The following PPP1R7 variants were observed in gnomAD, a reference collection of about 807,000 sequenced individuals.
PPP1R7 encodes protein phosphatase 1 regulatory subunit 7.
PPP1R7 carries 18 observed loss-of-function variants against 45.2 expected under a neutral mutation model. The observed-to-expected ratio is 0.40, with a 90% CI of 0.28 to 0.59. The LOEUF is 0.59. PPP1R7 is among the 20% of genes least tolerant of loss of function. The pLI is 0.46. For synonymous variants in PPP1R7, 181 were observed against 183.4 expected (o/e 0.99, Z 0.11); for missense variants, 314 against 455.8 (o/e 0.69, Z 2.83).
chr2:241,177,394 C>T (rs1377974402), intron 9 of PPP1R7, among the ~76,000 whole-genome samples: 3 of 149,754 alleles, frequency 2.0e-5, no homozygotes, highest in South Asian at 2.1e-4. Flanking sequence ...TCTAGCCTGG[C>T]GACAAAGCTA....
upstream of PPP1R7, chr2:241,149,630 G>C (rs550646731): frequency 2.0e-6 from 3 of 1,538,350 alleles, no homozygotes; most frequent in African/African-American, 1.4e-5. Context: ...CGGCGCTTCG[G>C]AGGAGCCAAA....
At chr2:241,154,819 A>G (rs2067415135) in intron 2 of PPP1R7, among the ~76,000 whole-genome samples, 1 of 152,260 alleles carries the variant, frequency 6.6e-6, no homozygotes, top group African/African-American at 2.4e-5. Context: ...AAGGATCTAT[A>G]CATTTTGTGT....
chr2:241,174,886 A>G (rs1352615941), intron 9 of PPP1R7, among the ~76,000 whole-genome samples: 1 of 152,036 alleles, frequency 6.6e-6, no homozygotes, highest in Admixed American at 6.6e-5. Context: ...TGTGTTAGCC[A>G]GGACAGTCTC....
chr2:241,153,416 A>G (rs1220387446), intron 1 of PPP1R7, 60 bp from the exon 2 acceptor site: 5 of 1,600,974 alleles, frequency 3.1e-6, no homozygotes, highest in Non-Finnish European at 4.3e-6. Context: ...GGTGTTTATT[A>G]TATGTTCCTC....
chr2:241,149,666 G>C (rs1032779748), upstream of PPP1R7: 11 of 1,545,508 alleles, frequency 7.1e-6, no homozygotes, highest in Admixed American at 1.2e-4. Flanking sequence ...TCCGCCCCCG[G>C]GCCGGGCAGA....
chr2:241,159,473 C>CCTG, intron 5 of PPP1R7, 130 bp downstream of exon 5: 1 of 1,192,342 alleles, frequency 8.4e-7, no homozygotes, highest in Non-Finnish European at 1.1e-6. Flanking sequence ...GGGTCCTGCC[C>CCTG]TGCATCTGAA....
Position 241,169,807 on chromosome 2 carries a change from A to G in PPP1R7, c.846A>G (p.Ala282=). ...ACAAACTCACGATGTTGGACATTGC[A>G]TCAAATAGAATCAAAAAGATTGAAA... ...NNNKLTMLDI[A]SNRIKKIENI... The change falls in exon 9 of 10, where the codon GCA becomes GCG. Residue 282 remains alanine, a synonymous_variant. Transcript: ENST00000234038. 6.2e-7 allele frequency: 1 copy of G among 1,612,576 alleles called. No homozygotes were observed. The highest frequency in any genetic ancestry group is 8.5e-7 in the Non-Finnish European group (1 of 1,178,490).
intron 2 of PPP1R7, among the ~76,000 whole-genome samples, chr2:241,156,920 C>T (rs544419237): frequency 8.5e-5 from 13 of 152,052 alleles, no homozygotes; most frequent in African/African-American, 2.2e-4. Context: ...GTTGTGCATG[C>T]GTGTGTCTGT....
chr2:241,169,132 T>TG (rs1387536964), intron 8 of PPP1R7, among the ~76,000 whole-genome samples: 2 of 152,192 alleles, frequency 1.3e-5, no homozygotes, highest in African/African-American at 4.8e-5. Context: ...TGTCTCCCAG[T>TG]GGGGGCACAC....
At chr2:241,151,991 C>G (rs1224859381) in intron 1 of PPP1R7, among the ~76,000 whole-genome samples, 1 of 152,212 alleles carries the variant, frequency 6.6e-6, no homozygotes, top group Non-Finnish European at 1.5e-5. Flanking sequence ...GGCCAACCTT[C>G]GTTAGCTAAG....
In PPP1R7 at chr2:241,153,510, T is replaced by A. The variant is rs2067370026; in HGVS notation, c.87T>A (p.Asp29Glu). Residue 29 changes from aspartate to glutamate, a missense_variant, in exon 2 of 10, where the codon GAT (aspartate) becomes GAA (glutamate). Around this residue, in one of 3 missense-constraint regions of PPP1R7, gnomAD observed 112 missense variants for 144.5 expected, o/e 0.78. Transcript: ENST00000234038. ...DRRVESEESG[D>E]EEGKKHSSGI... ...GGGTCGAGTCTGAAGAATCCGGCGA[T>A]GAAGAAGGGAAGAAACACAGCAGTG... 3.7e-6 allele frequency: 6 copies of A among 1,614,030 alleles called. No homozygotes were observed. The highest frequency in any genetic ancestry group is 5.1e-6 in the Non-Finnish European group (6 of 1,180,036).
At chr2:241,180,767 AG>A (rs2067989957) in intron 9 of PPP1R7, among the ~76,000 whole-genome samples, 1 of 143,116 alleles carries the variant, frequency 7.0e-6, no homozygotes, top group Non-Finnish European at 1.5e-5. Context: ...TCGGGACAGC[AG>A]CAGCAGGGCA....
In PPP1R7 at chr2:241,159,339, C is replaced by T; in HGVS notation, c.430C>T (p.Leu144=). 1 of 1,612,822 alleles carries T rather than the reference C, an allele frequency of 6.2e-7. No individual in the cohort carries two copies. The highest frequency in any genetic ancestry group is 8.5e-7 in the Non-Finnish European group (1 of 1,179,242). The change falls in exon 5 of 10, where the codon CTG becomes TTG. Residue 144 remains leucine (L), a synonymous_variant. Transcript: ENST00000234038. Reference sequence around the variant, plus strand: ...TGAGAATCTGGAGGCGCTAACAGAGCTGGAGTGAGTCATGAGACCCACAGG... The same window carrying T: ...TGAGAATCTGGAGGCGCTAACAGAGTTGGAGTGAGTCATGAGACCCACAGG... The part of the protein sequence containing the change: ...KIENLEALTE[L]EILDISFNLL...
chr2:241,164,864 A>G (rs2067671282), intron 7 of PPP1R7, among the ~76,000 whole-genome samples: 1 of 152,078 alleles, frequency 6.6e-6, no homozygotes. Flanking sequence ...CCTGGCCAAC[A>G]TGGTGAAATC....
chr2:241,175,526 C>T (rs938679650), intron 9 of PPP1R7, among the ~76,000 whole-genome samples: 1 of 152,164 alleles, frequency 6.6e-6, no homozygotes, highest in African/African-American at 2.4e-5. Flanking sequence ...TTTTTAGGGC[C>T]AAATAATATT....
chr2:241,164,393 T>C (rs1234708590), intron 7 of PPP1R7, among the ~76,000 whole-genome samples: 1 of 152,164 alleles, frequency 6.6e-6, no homozygotes, highest in Non-Finnish European at 1.5e-5. Context: ...CATTTGGGAG[T>C]TGGTAAGCAC....
chr2:241,153,574 G>A lies in PPP1R7; in HGVS notation c.151G>A (p.Gly51Arg), dbSNP rs984805812. ...ADLSEQSLKD[G>R]EERGEEDPEE... ...CCTCAGTGAACAGAGCCTGAAGGAT[G>A]GGGAGGAGCGGGGGGAGGAGGACCC... The change falls in exon 2 of 10, where the codon GGG becomes AGG. Residue 51 changes from glycine (G) to arginine (R), a missense_variant. Gly to Arg is a moderately radical substitution (Grantham distance 125). This residue lies in a region of PPP1R7 where 112 missense variants were observed against 144.5 expected (regional missense o/e 0.78). Transcript: ENST00000234038. The A allele has an allele frequency of 1.2e-6, 2 of 1,614,020 alleles. No individual in the cohort carries two copies. Among genetic ancestry groups the A allele is most frequent in the Non-Finnish European group, 1.7e-6 (2 of 1,180,022 alleles).
chr2:241,167,262 C>T (rs2067735084), intron 8 of PPP1R7: 3 of 447,782 alleles, frequency 6.7e-6, no homozygotes, highest in South Asian at 1.0e-4. Context: ...TCATTAAAGG[C>T]CTTTGTGCCT....
At chr2:241,180,092 CGAGA>C in intron 9 of PPP1R7, among the ~76,000 whole-genome samples, 1 of 152,246 alleles carries the variant, frequency 6.6e-6, no homozygotes, top group South Asian at 2.1e-4. Context: ...CATCACATAT[CGAGA>C]AAGAAGGAGG....
Sources: allele counts gnomAD v4.1 joint callset (sites outside exome capture counted in the v4.1 genomes callset), GRCh38; gene constraint gnomAD v4.1.1; regional missense constraint gnomAD v4.1.1; transcripts MANE v1.5; gene names NCBI Gene and HGNC (gene_info 2026-07-23, HGNC 2026-07-21).